Variants in PLXNB3 observed in about 807,000 individuals in gnomAD.
The protein encoded by PLXNB3 is plexin B3.
A neutral mutation model predicts 125.7 loss-of-function variants in PLXNB3; 80 were observed. The ratio of observed to expected loss-of-function variants is 0.64; its 90% confidence interval spans 0.53 to 0.77. The LOEUF (loss-of-function observed/expected upper bound fraction) is 0.77, where lower values mean the gene tolerates loss of function less well. PLXNB3 is among the 30% of genes least tolerant of loss of function. The probability of loss-of-function intolerance (pLI) is 0.00; values close to 1 mark genes in which losing one functional copy is unlikely to be tolerated. For synonymous variants in PLXNB3, 954 were observed against 783.3 expected (o/e 1.22, Z -3.64); for missense variants, 1,836 against 1,729.3 (o/e 1.06, Z -1.09).
intron 12 of PLXNB3, 57 bp downstream of exon 12, chrX:153,771,138 T>C: frequency 9.4e-7 from 1 of 1,059,086 alleles, no homozygotes; most frequent in East Asian, 3.0e-5. Context: ...CCCTCAGGGG[T>C]CTGCCATCTT....
Position 153,771,404 on chromosome X carries a change from G to T in PLXNB3, c.2347+1G>T. 1 of 1,208,834 alleles carries T rather than the reference G, an allele frequency of 8.3e-7. No homozygotes were observed. Among genetic ancestry groups the T allele is most frequent in the Non-Finnish European group, 1.1e-6 (1 of 893,202 alleles). Reference sequence around the variant, plus strand: ...CTGGACAACACCCATGCTCTTTATGGTGAGCCTGAGGGCAGCCAGGCAGGC... The same window carrying T: ...CTGGACAACACCCATGCTCTTTATGTTGAGCCTGAGGGCAGCCAGGCAGGC... On this transcript the variant is annotated splice_donor_variant, in intron 13 of 35. Coordinates refer to ENST00000361971, the MANE Select transcript of PLXNB3 (RefSeq NM_005393.3). LOFTEE classifies it high-confidence loss of function.
Position 153,771,387 on chromosome X carries a change from C to T in PLXNB3, c.2331C>T (p.Asn777=). Residue 777 remains asparagine (N), a synonymous_variant, in exon 13 of 36, where the codon AAC becomes AAT. Coordinates refer to ENST00000361971, the MANE Select transcript of PLXNB3 (RefSeq NM_005393.3). The part of the protein sequence containing the change: ...VTQGEAQRLD[N]THALYVILYD... ...AGGGTGAAGCCCAGAGGCTGGACAA[C>T]ACCCATGCTCTTTATGGTGAGCCTG... 8.3e-7 allele frequency: 1 copy of T among 1,209,950 alleles called. No individual in the cohort carries two copies. Among genetic ancestry groups the T allele is most frequent in the Non-Finnish European group, 1.1e-6 (1 of 894,060 alleles).
In PLXNB3 at chrX:153,767,031, C is replaced by T. The variant is rs1348847145; in HGVS notation, c.204C>T (p.Val68=). The T allele has an allele frequency of 1.5e-5, 18 of 1,209,641 alleles. No homozygotes were observed. Among genetic ancestry groups the T allele is most frequent in the Admixed American group, 1.3e-4 (6 of 45,951 alleles). The change falls in exon 3 of 36, where the codon GTC becomes GTT. Residue 68 remains valine (V), a synonymous_variant. Transcript: ENST00000361971. The part of the protein sequence containing the change: ...ALAPGRGTLY[V]GAVNRLFQLS... The stretch of plus-strand genomic sequence containing the variant: ...CACCTGGCCGAGGCACACTCTATGT[C>T]GGCGCAGTGAACCGCCTCTTCCAGC...
rs139986679 is a variant in PLXNB3 at position 153,778,428 on chromosome X, C to T, written c.5507C>T (p.Ala1836Val). ...GCGGACATTCGCCAGAGCTCTCCGG[C>T]GAGCTACCAGGAGATGAACTCTGCT... ...YYADIRQSSPASYQEMNSALA... is the reference protein window; with the variant it reads ...YYADIRQSSPVSYQEMNSALA... Residue 1836 changes from alanine to valine, a missense_variant, in exon 34 of 36, where the codon GCG becomes GTG. Physicochemically the swap from Ala to Val is moderately conservative, Grantham distance 64 (BLOSUM62 0). Transcript: ENST00000361971. 2.5e-4 allele frequency: 307 copies of T among 1,209,653 alleles called. 1 individual carries two copies. Among genetic ancestry groups the T allele is most frequent in the Non-Finnish European group, 3.2e-4 (285 of 895,003 alleles).
intron 3 of PLXNB3, among the ~76,000 whole-genome samples, 158 bp downstream of exon 3, chrX:153,768,071 A>C (rs2091879093): frequency 9.0e-6 from 1 of 111,626 alleles, no homozygotes; most frequent in Non-Finnish European, 1.9e-5. Flanking sequence ...ATTTCTTTCC[A>C]CCTTTCTCCC....
rs374022884 is a variant in PLXNB3 at position 153,778,329 on chromosome X, G to A, written c.5474+4G>A. On this transcript the variant is annotated splice_donor_region_variant and intron_variant, in intron 33 of 35. Coordinates refer to ENST00000361971, the MANE Select transcript of PLXNB3 (RefSeq NM_005393.3). ...GCTACAAGCAGATGGTGGAGAGGTG[G>A]GTGTCAGAGGCATCGGGGCTGCGGG... The A allele has an allele frequency of 2.3e-5, 28 of 1,204,449 alleles. No individual in the cohort carries two copies. Among genetic ancestry groups the A allele is most frequent in the Non-Finnish European group, 3.1e-5 (28 of 891,326 alleles).
In PLXNB3 at chrX:153,770,829, T is replaced by C. The variant is rs782052655; in HGVS notation, c.2082T>C (p.Pro694=). 3.3e-6 allele frequency: 4 copies of C among 1,209,131 alleles called. No individual in the cohort carries two copies. The highest frequency in any genetic ancestry group is 3.0e-5 in the East Asian group (1 of 33,777). The change falls in exon 11 of 36, where the codon CCT becomes CCC. Residue 694 remains proline (P), a synonymous_variant. Coordinates refer to ENST00000361971, the MANE Select transcript of PLXNB3 (RefSeq NM_005393.3). ...GCCTGGCAGGTCCCCACCTGGTGCCTGTGGGCTGGGAGAGCCATTTGGCCC... is the reference window on the plus strand; with the variant it reads ...GCCTGGCAGGTCCCCACCTGGTGCCCGTGGGCTGGGAGAGCCATTTGGCCC... ...VEGLAGPHLV[P]VGWESHLALR...
rs782294628 is a variant in PLXNB3 at position 153,770,771 on chromosome X, T to G, written c.2024T>G (p.Val675Gly). 3.3e-6 allele frequency: 4 copies of G among 1,205,207 alleles called. No individual in the cohort carries two copies. The Admixed American group carries it at 8.7e-5, about 26-fold the overall frequency. Residue 675 changes from valine (V) to glycine (G), a missense_variant, in exon 11 of 36, where the codon GTG (valine) becomes GGG (glycine). Val to Gly is a moderately radical substitution (Grantham distance 109). Transcript: ENST00000361971. ...TTGTTTTCCCAGGTGGACATCCAGG[T>G]GCGTGGCCCAGGGGCTTGCCCACAG... ...IYSAQEVDIQ[V>G]RGPGACPQVE...
chrX:153,771,137 G>A (rs976925708), intron 12 of PLXNB3, 56 bp downstream of exon 12: 5 of 1,061,964 alleles, frequency 4.7e-6, no homozygotes, highest in Non-Finnish European at 3.9e-6. Context: ...ACCCTCAGGG[G>A]TCTGCCATCT....
chrX:153,768,298 T>C lies in PLXNB3; in HGVS notation c.1136T>C (p.Ile379Thr). Residue 379 changes from isoleucine to threonine, a missense_variant, in exon 4 of 36, where the codon ATT (isoleucine) becomes ACT (threonine). Transcript: ENST00000361971. The stretch of plus-strand genomic sequence containing the variant: ...GGCGACGAGCACACCCCCAGCCCCA[T>C]TGCTGGCCGCCAGCCCCTGGAGGTC... ...PCGDEHTPSP[I>T]AGRQPLEVQP... 8.3e-7 allele frequency: 1 copy of C among 1,207,880 alleles called. No individual in the cohort carries two copies. Among genetic ancestry groups the C allele is most frequent in the Non-Finnish European group, 1.1e-6 (1 of 892,648 alleles).
In PLXNB3 at chrX:153,767,766, G is replaced by T. The variant is rs782172006; in HGVS notation, c.939G>T (p.Ala313=). 8.5e-7 allele frequency: 1 copy of T among 1,172,462 alleles called. No homozygotes were observed. The highest frequency in any genetic ancestry group is 1.9e-5 in the South Asian group (1 of 52,953). ...FAAGPRGTQA[A]LCAFPMVELG... ...CGGGCCCAAGGGGCACCCAGGCGGC[G>T]CTCTGTGCCTTCCCCATGGTGGAGC... The change falls in exon 3 of 36, where the codon GCG becomes GCT. Residue 313 remains alanine (A), a synonymous_variant. Transcript: ENST00000361971.
Position 153,775,967 on chromosome X carries a change from A to G in PLXNB3, c.4482A>G (p.Thr1494=). The change falls in exon 27 of 36, where the codon ACA becomes ACG. Residue 1494 remains threonine (T), a synonymous_variant. Transcript: ENST00000361971. ...ACAAAGGCCCCGTGGACGCCGTGAC[A>G]GGCAAGGCCAAACGGACCCTGAATG... ...QVDKGPVDAV[T]GKAKRTLNDS... The G allele has an allele frequency of 1.7e-6, 2 of 1,211,149 alleles. No individual in the cohort carries two copies. Among genetic ancestry groups the G allele is most frequent in the Non-Finnish European group, 2.2e-6 (2 of 895,376 alleles).
rs1603240683 is a variant in PLXNB3, at chrX:153,766,212, T to C, written c.45+632T>C. 4 of 1,155,699 alleles carry C rather than the reference T, an allele frequency of 3.5e-6. No homozygotes were observed. The East Asian group carries it at 1.3e-4, about 38-fold the overall frequency. On this transcript the variant is annotated intron_variant, in intron 2 of 35. Transcript: ENST00000361971. ...CTCGCCCTGGAGCTGGGCGCCAGCA[T>C]GGAGCTCACCCCTGCCTCTTCGCTG...
intron 12 of PLXNB3, 54 bp from the exon 13 acceptor site, chrX:153,771,256 G>A: frequency 9.7e-7 from 1 of 1,028,772 alleles, no homozygotes; most frequent in Middle Eastern, 2.5e-4. Context: ...GAGGAGACAA[G>A]AGTCAGAGGT....
Position 153,771,030 on chromosome X carries a change from C to T in PLXNB3, c.2202C>T (p.Thr734=). ...GAGAACTTCGGGGACTGCCGGCCACCCTGGAGGAGACAGCAGGGGATTCAG... is the reference window on the plus strand; with the variant it reads ...GAGAACTTCGGGGACTGCCGGCCACTCTGGAGGAGACAGCAGGGGATTCAG... The part of the protein sequence containing the change: ...LPGELRGLPA[T]LEETAGDSGL... The change falls in exon 12 of 36, where the codon ACC becomes ACT. Residue 734 remains threonine, a synonymous_variant. Coordinates refer to ENST00000361971, the MANE Select transcript of PLXNB3 (RefSeq NM_005393.3). 1 of 1,210,429 alleles carries T rather than the reference C, an allele frequency of 8.3e-7. No homozygotes were observed. Among genetic ancestry groups the T allele is most frequent in the Non-Finnish European group, 1.1e-6 (1 of 895,364 alleles).
chrX:153,774,218 G>A lies in PLXNB3; in HGVS notation c.3552G>A (p.Glu1184=). 1 of 1,202,821 alleles carries A rather than the reference G, an allele frequency of 8.3e-7. No individual in the cohort carries two copies. The highest frequency in any genetic ancestry group is 1.1e-6 in the Non-Finnish European group (1 of 894,594). The part of the protein sequence containing the change: ...GEGLNLGISK[E]EVRVHIGRGE... ...GCCTCAACCTGGGCATCAGCAAGGA[G>A]GAGGTGCGCGTGCACATCGGCCGCG... is the stretch of plus-strand genomic sequence containing the variant. The change falls in exon 21 of 36, where the codon GAG becomes GAA. Residue 1184 remains glutamate, a synonymous_variant. Coordinates refer to ENST00000361971, the MANE Select transcript of PLXNB3 (RefSeq NM_005393.3).
At position 153,771,432 on chromosome X, in the gene PLXNB3, G is replaced by A. The variant is rs185006965; in HGVS notation, c.2347+29G>A. Reference sequence around the variant, plus strand: ...AGCCTGAGGGCAGCCAGGCAGGCGGGGCAGGGTGGGTGGCAGACAGGAGGC... The same window carrying A: ...AGCCTGAGGGCAGCCAGGCAGGCGGAGCAGGGTGGGTGGCAGACAGGAGGC... On this transcript the variant is annotated intron_variant, in intron 13 of 35. Transcript: ENST00000361971. 7.9e-4 allele frequency: 955 copies of A among 1,206,495 alleles called. 8 individuals are homozygous for A. The East Asian group carries it at 0.022, about 28-fold the overall frequency.
chrX:153,772,186 G>T lies in PLXNB3; in HGVS notation c.2674G>T (p.Val892Leu), dbSNP rs782613407. 1 of 1,196,310 alleles carries T rather than the reference G, an allele frequency of 8.4e-7. No homozygotes were observed. Among genetic ancestry groups the T allele is most frequent in the Non-Finnish European group, 1.1e-6 (1 of 889,232 alleles). The change falls in exon 16 of 36, where the codon GTG becomes TTG. Residue 892 changes from valine to leucine, a missense_variant. Physicochemically the swap from Val to Leu is conservative, Grantham distance 32. Transcript: ENST00000361971. ...TCCCAGGCCTCGGCTTTCCAGGATT[G>T]TGTGTGTGACATCTCCTGCCCCCAA... is the stretch of plus-strand genomic sequence containing the variant. ...PSLYRTSARIVCVTSPAPNGT... is the reference protein window; with the variant it reads ...PSLYRTSARILCVTSPAPNGT...
rs1282838584 is a variant in PLXNB3 at position 153,774,522 on chromosome X, G to A, written c.3781G>A (p.Gly1261Ser). The change falls in exon 22 of 36, where the codon GGT becomes AGT. Residue 1261 changes from glycine to serine, a missense_variant. By Grantham distance (56) the Gly-to-Ser change is moderately conservative. Coordinates refer to ENST00000361971, the MANE Select transcript of PLXNB3 (RefSeq NM_005393.3). The part of the protein sequence containing the change: ...PVEAQAGVGM[G>S]AAVLIAAVLL... The stretch of plus-strand genomic sequence containing the variant: ...GGAGGCCCAGGCAGGCGTGGGCATG[G>A]GTGCTGCAGTGCTGATTGCCGCCGT... 8.3e-7 allele frequency: 1 copy of A among 1,207,780 alleles called. No homozygotes were observed. The highest frequency in any genetic ancestry group is 1.7e-5 in the African/African-American group (1 of 57,642).
Sources: allele counts gnomAD v4.1 joint callset (sites outside exome capture counted in the v4.1 genomes callset), GRCh38; gene constraint gnomAD v4.1.1; transcripts MANE v1.5; gene names NCBI Gene and HGNC (gene_info 2026-07-23, HGNC 2026-07-21).